The following UBE2E2 variants were observed in gnomAD, a reference collection of about 807,000 sequenced individuals.
UBE2E2 encodes ubiquitin conjugating enzyme E2 E2, also known as ubiquitin-conjugating enzyme E2 E2.
UBE2E2 carries 6 observed loss-of-function variants against 24.7 expected under a neutral mutation model. The observed-to-expected ratio is 0.24, with a 90% CI of 0.13 to 0.48. The LOEUF (loss-of-function observed/expected upper bound fraction) is 0.48, where lower values mean the gene tolerates loss of function less well. UBE2E2 is among the 20% of genes least tolerant of loss of function. UBE2E2 has a pLI of 0.99. For synonymous variants in UBE2E2, 104 were observed against 83.6 expected, an observed-to-expected ratio of 1.24 and a Z score of -1.33; for missense variants, 169 against 245.0, an observed-to-expected ratio of 0.69 and a Z score of 2.07.
At chr3:23,359,653 A>G (rs1485898497) in intron 3 of UBE2E2, among the ~76,000 whole-genome samples, 4 of 152,084 alleles carry the variant, frequency 2.6e-5, no homozygotes, top group Non-Finnish European at 5.9e-5. Flanking sequence ...CTTTCTCTGG[A>G]AATTTCTAAT....
At chr3:23,571,579 C>G (rs1696232670) in intron 5 of UBE2E2, among the ~76,000 whole-genome samples, 2 of 152,006 alleles carry the variant, frequency 1.3e-5, no homozygotes, top group South Asian at 4.2e-4. Context: ...TGAGCCATCA[C>G]GCCCAGCCTG....
chr3:23,359,611 C>T (rs1277693598), intron 3 of UBE2E2, among the ~76,000 whole-genome samples: 2 of 151,948 alleles, frequency 1.3e-5, no homozygotes, highest in African/African-American at 2.4e-5. Context: ...GTTTAGAAAC[C>T]AACTTAAGAT....
At chr3:23,362,298 G>A (rs1696138600) in intron 3 of UBE2E2, among the ~76,000 whole-genome samples, 1 of 152,154 alleles carries the variant, frequency 6.6e-6, no homozygotes, top group Non-Finnish European at 1.5e-5. Flanking sequence ...GTGAGTGTGA[G>A]CTTCCTGGGG....
chr3:23,255,377 A>G (rs897718275), intron 3 of UBE2E2, among the ~76,000 whole-genome samples: 2 of 151,946 alleles, frequency 1.3e-5, no homozygotes, highest in Admixed American at 6.6e-5. Context: ...TACAGGCGTG[A>G]GCTACCATGC....
At chr3:23,228,024 T>G (rs919663697) in intron 3 of UBE2E2, among the ~76,000 whole-genome samples, 1 of 152,240 alleles carries the variant, frequency 6.6e-6, no homozygotes, top group South Asian at 2.1e-4. Context: ...GGGAACTTTA[T>G]GTATAATAGT....
At chr3:23,284,456 T>C (rs1698562691) in intron 3 of UBE2E2, among the ~76,000 whole-genome samples, 1 of 152,092 alleles carries the variant, frequency 6.6e-6, no homozygotes, top group Admixed American at 6.6e-5. Flanking sequence ...AATCTTTCTT[T>C]GGGGAGCACT....
intron 5 of UBE2E2, among the ~76,000 whole-genome samples, chr3:23,534,964 C>G (rs1695216442): frequency 6.6e-6 from 1 of 152,174 alleles, no homozygotes; most frequent in African/African-American, 2.4e-5. Flanking sequence ...AACTTATTTT[C>G]TAAATCTTTT....
chr3:23,564,359 G>C (rs1696011550), intron 5 of UBE2E2, among the ~76,000 whole-genome samples: 1 of 152,130 alleles, frequency 6.6e-6, no homozygotes, highest in Non-Finnish European at 1.5e-5. Flanking sequence ...AAATCTCTCA[G>C]TGCAAGGGGA....
At chr3:23,226,239 G>A (rs568260476) in intron 3 of UBE2E2, among the ~76,000 whole-genome samples, 54 of 149,810 alleles carry the variant, frequency 3.6e-4, no homozygotes, top group Admixed American at 1.0e-3. Context: ...TGTGTGTGGG[G>A]GTTATTTTTT....
At chr3:23,584,241 C>T (rs116811679) in intron 5 of UBE2E2, among the ~76,000 whole-genome samples, 2 of 152,284 alleles carry the variant, frequency 1.3e-5, no homozygotes, top group East Asian at 1.9e-4. Context: ...GTTGAACCAA[C>T]CTTGCATCCC....
intron 3 of UBE2E2, among the ~76,000 whole-genome samples, chr3:23,301,999 C>G (rs1699110255): frequency 6.6e-6 from 1 of 152,124 alleles, no homozygotes; most frequent in African/African-American, 2.4e-5. Flanking sequence ...ATAATTCAGA[C>G]TTGTGGAAAA....
chr3:23,515,190 TAGAG>T (rs572087094), intron 4 of UBE2E2, among the ~76,000 whole-genome samples: 15 of 151,608 alleles, frequency 9.9e-5, no homozygotes, highest in Middle Eastern at 3.4e-3. Context: ...TACATATGTA[TAGAG>T]AGAGAGATAA....
intron 3 of UBE2E2, among the ~76,000 whole-genome samples, chr3:23,278,853 G>A (rs1438729004): frequency 2.6e-5 from 4 of 151,874 alleles, no homozygotes; most frequent in East Asian, 1.9e-4. Context: ...TCCAAACCTC[G>A]GCAGTAAAAA....
intron 3 of UBE2E2, among the ~76,000 whole-genome samples, chr3:23,311,399 G>T (rs1043260414): frequency 6.6e-6 from 1 of 152,170 alleles, no homozygotes; most frequent in Non-Finnish European, 1.5e-5. Flanking sequence ...TGTATATTTG[G>T]CTGGGTCAAA....
intron 2 of UBE2E2, among the ~76,000 whole-genome samples, chr3:23,213,902 C>T (rs1261148362): frequency 1.3e-5 from 2 of 152,076 alleles, no homozygotes; most frequent in East Asian, 3.9e-4. Context: ...CATTTTTCCT[C>T]ACCCTAAGAG....
intron 3 of UBE2E2, among the ~76,000 whole-genome samples, chr3:23,332,477 A>G (rs1474741693): frequency 2.0e-5 from 3 of 152,230 alleles, no homozygotes; most frequent in East Asian, 1.9e-4. Flanking sequence ...TTATTAAAAT[A>G]AAGATAAATC....
chr3:23,516,827 A>T (rs2125471082), intron 4 of UBE2E2, among the ~76,000 whole-genome samples: 1 of 152,278 alleles, frequency 6.6e-6, no homozygotes, highest in East Asian at 1.9e-4. Flanking sequence ...GTTTTACAAC[A>T]TCTAGCTAAA....
At chr3:23,232,748 C>T (rs932472306) in intron 3 of UBE2E2, among the ~76,000 whole-genome samples, 6 of 152,212 alleles carry the variant, frequency 3.9e-5, no homozygotes, top group Admixed American at 2.0e-4. Flanking sequence ...TTTGCGCATA[C>T]ATTGTTTCAT....
chr3:23,272,578 G>T lies in UBE2E2; in HGVS notation c.227+55266G>T, dbSNP rs138945387. Reference sequence around the variant, plus strand: ...CCTCTCAGTATGAGTGTGTTGTAGTGTATGTGTGAAAGGGAGTTTTGCAAT... The same window carrying T: ...CCTCTCAGTATGAGTGTGTTGTAGTTTATGTGTGAAAGGGAGTTTTGCAAT... On this transcript the variant is annotated intron_variant, in intron 3 of 5. Transcript: ENST00000396703. Among the ~76,000 whole-genome samples the T allele has an allele frequency of 2.1e-3, 322 of 152,344 alleles. 1 individual carries two copies. The highest frequency in any genetic ancestry group is 3.5e-3 in the Non-Finnish European group (236 of 68,028).
Sources: gnomAD v4.1 joint callset for allele counts (sites outside exome capture counted in the v4.1 genomes callset) on GRCh38, gnomAD v4.1.1 for gene constraint, MANE v1.5 for transcripts, NCBI Gene and HGNC (gene_info 2026-07-23, HGNC 2026-07-21) for gene names.